PPP3CA: variants seen among roughly 807,000 people sequenced by gnomAD.
PPP3CA encodes the protein protein phosphatase 3 catalytic subunit alpha.
PPP3CA carries 14 observed loss-of-function variants against 66.5 expected under a neutral mutation model. The ratio of observed to expected loss-of-function variants is 0.21; its 90% CI spans 0.14 to 0.33. The LOEUF (loss-of-function observed/expected upper bound fraction) is 0.33, where lower values mean the gene tolerates loss of function less well. Among genes scored for constraint, PPP3CA ranks in the 10% least tolerant of loss-of-function variants. The pLI, the probability that PPP3CA is intolerant of heterozygous loss-of-function variation, is 1.00. For missense variants in PPP3CA, 317 were observed against 639.5 expected (o/e 0.50, Z 5.44); for synonymous variants, 232 against 226.2 (o/e 1.03, Z -0.23).
At chr4:101,132,634 G>A (rs978940067) in intron 2 of PPP3CA, among the ~76,000 whole-genome samples, 1 of 152,072 alleles carries the variant, frequency 6.6e-6, no homozygotes, top group African/African-American at 2.4e-5. Context: ...AAAAGCCCAG[G>A]ACCAGATGTA....
intron 1 of PPP3CA, among the ~76,000 whole-genome samples, chr4:101,302,303 T>G (rs2110300532): frequency 1.3e-5 from 2 of 152,336 alleles, no homozygotes; most frequent in South Asian, 4.1e-4. Flanking sequence ...AAAATGCTGA[T>G]GCATCCTCAT....
chr4:101,242,503 G>A (rs1285718504), intron 1 of PPP3CA, among the ~76,000 whole-genome samples: 1 of 150,182 alleles, frequency 6.7e-6, no homozygotes, highest in African/African-American at 2.4e-5. Context: ...CTATGTGCTT[G>A]AGATTGTTCA....
chr4:101,124,405 G>A (rs907843700), intron 2 of PPP3CA, among the ~76,000 whole-genome samples: 5 of 151,988 alleles, frequency 3.3e-5, no homozygotes, highest in Non-Finnish European at 7.4e-5. Context: ...AAGATCAGCT[G>A]AGGTTCCTAG....
At chr4:101,231,148 T>C (rs1012754606) in intron 1 of PPP3CA, among the ~76,000 whole-genome samples, 4 of 151,718 alleles carry the variant, frequency 2.6e-5, no homozygotes, top group African/African-American at 9.7e-5. Flanking sequence ...CTTTCACAAA[T>C]GATCTTCTCC....
intron 1 of PPP3CA, among the ~76,000 whole-genome samples, chr4:101,294,539 C>A (rs1382157548): frequency 5.6e-5 from 2 of 35,622 alleles, no homozygotes; most frequent in African/African-American, 7.2e-4. Context: ...CTAATTTAAT[C>A]ATTTATATTA....
intron 10 of PPP3CA, among the ~76,000 whole-genome samples, chr4:101,057,181 A>G (rs1560581276): frequency 6.6e-6 from 1 of 152,038 alleles, no homozygotes; most frequent in East Asian, 1.9e-4. Context: ...CAGCCTTCCA[A>G]GTAGCTAGGA....
intron 10 of PPP3CA, among the ~76,000 whole-genome samples, chr4:101,047,367 C>T (rs913496414): frequency 6.6e-6 from 1 of 152,052 alleles, no homozygotes; most frequent in Admixed American, 6.6e-5. Context: ...GAATACTATT[C>T]CCATTCCATG....
At chr4:101,218,675 T>G (rs931058520) in intron 1 of PPP3CA, among the ~76,000 whole-genome samples, 2 of 151,888 alleles carry the variant, frequency 1.3e-5, no homozygotes, top group African/African-American at 4.8e-5. Context: ...ATATAGTTCA[T>G]CCAACATCCC....
chr4:101,029,379 A>AAAAAAAAC (rs1560568993), intron 12 of PPP3CA, among the ~76,000 whole-genome samples, 184 bp from the exon 13 acceptor site: 1 of 148,274 alleles, frequency 6.7e-6, no homozygotes, highest in African/African-American at 2.6e-5. Flanking sequence ...AAAAGAAAAA[A>AAAAAAAAC]AATGCCACAG....
At chr4:101,164,509 A>G (rs1268287402) in intron 2 of PPP3CA, among the ~76,000 whole-genome samples, 1 of 151,492 alleles carries the variant, frequency 6.6e-6, no homozygotes, top group African/African-American at 2.4e-5. Context: ...TGTCCCCTAT[A>G]AGGTCCTATC....
At chr4:101,286,564 A>T (rs1013624367) in intron 1 of PPP3CA, among the ~76,000 whole-genome samples, 5 of 152,338 alleles carry the variant, frequency 3.3e-5, no homozygotes, top group Non-Finnish European at 5.9e-5. Flanking sequence ...ATAAAATTCA[A>T]ACAACTAATT....
At chr4:101,302,244 C>A (rs1473281139) in intron 1 of PPP3CA, among the ~76,000 whole-genome samples, 1 of 152,168 alleles carries the variant, frequency 6.6e-6, no homozygotes, top group Non-Finnish European at 1.5e-5. Flanking sequence ...CCCTCATTAG[C>A]CAGCTGTGTA....
intron 2 of PPP3CA, among the ~76,000 whole-genome samples, chr4:101,125,849 AAT>A (rs907894603): frequency 2.0e-5 from 3 of 152,174 alleles, no homozygotes; most frequent in African/African-American, 7.2e-5. Context: ...ATCCCTGAAC[AAT>A]ATGACATTTT....
chr4:101,131,654 G>C (rs1722444935), intron 2 of PPP3CA, among the ~76,000 whole-genome samples: 1 of 152,058 alleles, frequency 6.6e-6, no homozygotes, highest in African/African-American at 2.4e-5. Flanking sequence ...AATAATAGTG[G>C]GAGACTTTAA....
chr4:101,204,745 T>C lies in PPP3CA; in HGVS notation c.59-8629A>G, dbSNP rs567517223. Reference sequence around the variant, plus strand: ...CATGGGCATGATAAAAGCAAAATTATATTTACTGATTTTGAAATATATGCT... The same window carrying C: ...CATGGGCATGATAAAAGCAAAATTACATTTACTGATTTTGAAATATATGCT... On this transcript the variant is annotated intron_variant, in intron 1 of 13. Transcript: ENST00000394854. Among the ~76,000 whole-genome samples the C allele has an allele frequency of 2.0e-5, 3 of 151,946 alleles. No individual in the cohort carries two copies. In the South Asian group the frequency reaches 6.2e-4, roughly 32 times the overall value.
chr4:101,187,349 T>C (rs1445995267), intron 2 of PPP3CA, among the ~76,000 whole-genome samples: 1 of 152,142 alleles, frequency 6.6e-6, no homozygotes, highest in Non-Finnish European at 1.5e-5. Context: ...AGATGGCTCA[T>C]TGCCACCACG....
At chr4:101,217,451 A>T (rs1211381811) in intron 1 of PPP3CA, among the ~76,000 whole-genome samples, 1 of 152,146 alleles carries the variant, frequency 6.6e-6, no homozygotes, top group African/African-American at 2.4e-5. Context: ...TATTTAGACT[A>T]TGAAATCTAA....
At chr4:101,050,315 A>G (rs1727953344) in intron 10 of PPP3CA, among the ~76,000 whole-genome samples, 1 of 152,096 alleles carries the variant, frequency 6.6e-6, no homozygotes, top group African/African-American at 2.4e-5. Context: ...GCAAAGCTTC[A>G]GATCACAAAT....
At chr4:101,052,507 A>G (rs1213822319) in intron 10 of PPP3CA, among the ~76,000 whole-genome samples, 1 of 152,026 alleles carries the variant, frequency 6.6e-6, no homozygotes, top group Non-Finnish European at 1.5e-5. Context: ...AATAAATAAT[A>G]AACTTATAAA....
Sources: gnomAD v4.1 joint callset for allele counts (sites outside exome capture counted in the v4.1 genomes callset) on GRCh38, gnomAD v4.1.1 for gene constraint, MANE v1.5 for transcripts, NCBI Gene and HGNC (gene_info 2026-07-23, HGNC 2026-07-21) for gene names.